Variants in ELOVL6 observed in about 807,000 individuals in gnomAD.
The protein encoded by ELOVL6 is ELOVL fatty acid elongase 6.
In ELOVL6, 8 loss-of-function variants were observed where a neutral mutation model predicts 31.7. That is an observed-to-expected ratio of 0.25 (90% CI 0.15 to 0.45). ELOVL6 has a LOEUF of 0.45. Among genes scored for constraint, ELOVL6 ranks in the 20% least tolerant of loss-of-function variants. ELOVL6 has a pLI of 1.00. For missense variants in ELOVL6, 126 were observed against 326.4 expected, an observed-to-expected ratio of 0.39 and a Z score of 4.73; for synonymous variants, 101 against 117.7, an observed-to-expected ratio of 0.86 and a Z score of 0.92.
intron 2 of ELOVL6, chr4:110,093,273 A>G: frequency 3.5e-6 from 1 of 282,718 alleles, no homozygotes; most frequent in Non-Finnish European, 7.0e-6. Context: ...TTAACAGTAA[A>G]TATCTGTGAG....
Position 110,090,626 on chromosome 4 carries a change from G to C in ELOVL6, c.221+14871C>G, listed in dbSNP as rs868278195. Among the ~76,000 whole-genome samples, 14 of 53,104 alleles carry C rather than the reference G, an allele frequency of 2.6e-4. No homozygotes were observed. The African/African-American group carries it at 2.8e-3, about 11-fold the overall frequency. 34.8% of individuals were successfully genotyped at this position (53,104 alleles called of 152,430 possible). ...TTTTTTTTTTTTTTTTTTTTCATGA[G>C]ACGGAGTCTCGCTCTGTCGCCAGGC... is the stretch of plus-strand genomic sequence containing the variant. On this transcript the variant is annotated intron_variant, in intron 2 of 3. Coordinates refer to ENST00000302274, the MANE Select transcript of ELOVL6 (RefSeq NM_024090.3).
intron 1 of ELOVL6, among the ~76,000 whole-genome samples, chr4:110,168,181 T>C (rs952784247): frequency 6.6e-6 from 1 of 152,150 alleles, no homozygotes; most frequent in African/African-American, 2.4e-5. Flanking sequence ...TATTTTTAGC[T>C]TATTGCATGA....
At chr4:110,198,087 C>T (rs903222265) in intron 1 of ELOVL6, 160 bp downstream of exon 1, 2 of 331,112 alleles carry the variant, frequency 6.0e-6, no homozygotes, top group Non-Finnish European at 1.1e-5. Context: ...CCCCCCCCCC[C>T]AGCGTCTCCT....
At chr4:110,160,806 C>G (rs1041353019) in intron 1 of ELOVL6, among the ~76,000 whole-genome samples, 2 of 152,138 alleles carry the variant, frequency 1.3e-5, no homozygotes, top group Non-Finnish European at 2.9e-5. Context: ...TATGATCATG[C>G]AACAAATAAA....
At chr4:110,071,824 C>T (rs890470176) in intron 2 of ELOVL6, among the ~76,000 whole-genome samples, 20 of 152,218 alleles carry the variant, frequency 1.3e-4, no homozygotes, top group African/African-American at 4.6e-4. Context: ...TTCTAAATCA[C>T]ATCTTTCGTT....
At chr4:110,125,420 A>G (rs1016993514) in intron 1 of ELOVL6, among the ~76,000 whole-genome samples, 8 of 152,216 alleles carry the variant, frequency 5.3e-5, no homozygotes, top group African/African-American at 1.9e-4. Flanking sequence ...CAGTGGCTCT[A>G]TGAATGAAAG....
At chr4:110,090,183 C>T (rs938009404) in intron 2 of ELOVL6, among the ~76,000 whole-genome samples, 1 of 152,130 alleles carries the variant, frequency 6.6e-6, no homozygotes, top group African/African-American at 2.4e-5. Context: ...ACATAAAATT[C>T]TCTCAAATCT....
intron 1 of ELOVL6, among the ~76,000 whole-genome samples, chr4:110,189,751 A>G (rs1224594138): frequency 1.3e-5 from 2 of 151,418 alleles, no homozygotes; most frequent in Non-Finnish European, 1.5e-5. Context: ...GGCAGATCAC[A>G]AGGTCAGGAG....
chr4:110,198,112 C>G (rs1759873625), intron 1 of ELOVL6, 135 bp downstream of exon 1: 2 of 505,072 alleles, frequency 4.0e-6, no homozygotes, highest in Non-Finnish European at 7.6e-6. Flanking sequence ...CCGGGAGACC[C>G]GAGAACTCAG....
At chr4:110,183,298 T>C (rs1025057859) in intron 1 of ELOVL6, among the ~76,000 whole-genome samples, 1 of 152,194 alleles carries the variant, frequency 6.6e-6, no homozygotes, top group African/African-American at 2.4e-5. Context: ...TTTAACAAAC[T>C]GCCAATCAGA....
At chr4:110,076,340 A>G (rs1755630429) in intron 2 of ELOVL6, among the ~76,000 whole-genome samples, 1 of 152,220 alleles carries the variant, frequency 6.6e-6, no homozygotes, top group Non-Finnish European at 1.5e-5. Flanking sequence ...TTTACTGTAT[A>G]TAACTGTACA....
chr4:110,107,708 C>A (rs957223760), intron 1 of ELOVL6, among the ~76,000 whole-genome samples: 1 of 151,988 alleles, frequency 6.6e-6, no homozygotes, highest in Non-Finnish European at 1.5e-5. Context: ...CACATATAAG[C>A]AAAGACTAAA....
intron 3 of ELOVL6, among the ~76,000 whole-genome samples, chr4:110,052,605 T>C (rs752390704): frequency 2.6e-5 from 4 of 152,202 alleles, no homozygotes; most frequent in African/African-American, 7.2e-5. Flanking sequence ...AGGGAATTTA[T>C]ATTATGAAAG....
In ELOVL6 at chr4:110,051,833, G is replaced by A; in HGVS notation, c.374-71C>T. 7.5e-6 allele frequency: 10 copies of A among 1,324,608 alleles called. No homozygotes were observed. Among genetic ancestry groups the A allele is most frequent in the Non-Finnish European group, 1.1e-5 (10 of 950,436 alleles). 82.1% of individuals were successfully genotyped at this position (1,324,608 alleles called of 1,614,324 possible). A position where few individuals can be genotyped will look rare whatever the true frequency, so the allele number is the denominator to read the frequency against. On this transcript the variant is annotated intron_variant, in intron 3 of 3. Transcript: ENST00000302274. The surrounding 1 kb of genome is among the most constrained non-coding windows in gnomAD (Gnocchi z 4.8). ...GTAACGATGACTTACAGTTTTGTAA[G>A]AGGGTAGACATCCTGAGCTAGGACT...
intron 2 of ELOVL6, 76 bp from the exon 3 acceptor site, chr4:110,059,830 C>A: frequency 1.5e-6 from 2 of 1,372,850 alleles, no homozygotes; most frequent in Non-Finnish European, 2.0e-6. Flanking sequence ...ACTTAGAAGA[C>A]TGGTTGGCCA....
At chr4:110,058,288 GA>G (rs200289795) in intron 3 of ELOVL6, among the ~76,000 whole-genome samples, 8,021 of 152,256 alleles carry the variant, frequency 0.053, 316 homozygotes, top group East Asian at 0.16. Flanking sequence ...GTGTCTGTTG[GA>G]GGGGGGGAGC....
intron 1 of ELOVL6, among the ~76,000 whole-genome samples, chr4:110,152,761 A>G (rs1758313775): frequency 6.6e-6 from 1 of 152,230 alleles, no homozygotes; most frequent in Admixed American, 6.5e-5. Flanking sequence ...TGCTATATAT[A>G]GTGTATGTGA....
chr4:110,092,330 T>C (rs1756448875), intron 2 of ELOVL6, among the ~76,000 whole-genome samples: 1 of 152,222 alleles, frequency 6.6e-6, no homozygotes, highest in Non-Finnish European at 1.5e-5. Flanking sequence ...GAACTGTCAA[T>C]GCTTTCAAGG....
In ELOVL6 at chr4:110,198,468, C is replaced by T; in HGVS notation, c.-133G>A. ...AGGTCTTCCCCACGCCGCTCGGTCTCCAGCGGTCGTCTCTTCTCCCAGCCT... is the reference window on the plus strand; with the variant it reads ...AGGTCTTCCCCACGCCGCTCGGTCTTCAGCGGTCGTCTCTTCTCCCAGCCT... On this transcript the variant is annotated 5_prime_UTR_variant, in exon 1 of 4. Coordinates refer to ENST00000302274, the MANE Select transcript of ELOVL6 (RefSeq NM_024090.3). 1 of 613,648 alleles carries T rather than the reference C, an allele frequency of 1.6e-6. No homozygotes were observed. The highest frequency in any genetic ancestry group is 1.9e-5 in the South Asian group (1 of 52,494). The allele number at this position is 613,648 out of a possible 1,614,324, so 38.0% of individuals were successfully genotyped here.
Sources: allele counts gnomAD v4.1 joint callset (sites outside exome capture counted in the v4.1 genomes callset), GRCh38; gene constraint gnomAD v4.1.1; non-coding constraint Gnocchi (gnomAD v3.1); transcripts MANE v1.5; gene names NCBI Gene and HGNC (gene_info 2026-07-23, HGNC 2026-07-21).